The following ABCC4 variants were observed in gnomAD, a reference collection of about 807,000 sequenced individuals.
ABCC4 encodes the protein ATP binding cassette subfamily C member 4 (PEL blood group).
Under a neutral mutation model 168.5 loss-of-function variants are expected in ABCC4, and 102 were observed. The observed-to-expected ratio is 0.61, with a 90% CI of 0.52 to 0.71. The LOEUF (loss-of-function observed/expected upper bound fraction) is 0.71, where lower values mean the gene tolerates loss of function less well. Ranked by LOEUF, ABCC4 falls within the 30% of genes least tolerant of loss-of-function variation. The pLI, the probability that ABCC4 is intolerant of heterozygous loss-of-function variation, is 0.00. For synonymous variants in ABCC4, 617 were observed against 590.7 expected, an observed-to-expected ratio of 1.04 and a Z score of -0.65; for missense variants, 1,402 against 1,605.8, an observed-to-expected ratio of 0.87 and a Z score of 2.17.
chr13:95,225,706 A>G (rs759974443), intron 4 of ABCC4, among the ~76,000 whole-genome samples: 14 of 152,220 alleles, frequency 9.2e-5, no homozygotes, highest in East Asian at 3.9e-4. Flanking sequence ...AATACCATTT[A>G]TAACAGCACA....
chr13:95,127,710 C>A (rs901805082), intron 19 of ABCC4, among the ~76,000 whole-genome samples: 1 of 152,018 alleles, frequency 6.6e-6, no homozygotes, highest in Non-Finnish European at 1.5e-5. Context: ...TGATCTCATG[C>A]CCTTGTGGTG....
intron 27 of ABCC4, among the ~76,000 whole-genome samples, chr13:95,045,819 C>A (rs535973898): frequency 4.6e-4 from 70 of 152,204 alleles, no homozygotes; most frequent in Non-Finnish European, 7.9e-4. Flanking sequence ...CAATGCCCAA[C>A]AACAAAAAGC....
At chr13:95,041,095 T>C (rs2032336960) in intron 29 of ABCC4, among the ~76,000 whole-genome samples, 1 of 152,214 alleles carries the variant, frequency 6.6e-6, no homozygotes, top group South Asian at 2.1e-4. Context: ...AAGCTGTCTT[T>C]AATGTGGAGA....
intron 9 of ABCC4, among the ~76,000 whole-genome samples, chr13:95,189,156 C>T (rs1447487026): frequency 1.5e-4 from 15 of 98,730 alleles, no homozygotes; most frequent in African/African-American, 3.6e-4. Context: ...TTTTTTGAGA[C>T]GGAGTCTCGT....
intron 16 of ABCC4, 93 bp downstream of exon 16, chr13:95,164,285 A>G: frequency 1.4e-6 from 2 of 1,477,696 alleles, no homozygotes; most frequent in Non-Finnish European, 1.8e-6. Context: ...TTCAATTCAG[A>G]CCCCAAGTGA....
At chr13:95,079,776 A>G (rs1484364580) in intron 21 of ABCC4, among the ~76,000 whole-genome samples, 2 of 152,176 alleles carry the variant, frequency 1.3e-5, no homozygotes, top group Non-Finnish European at 2.9e-5. Context: ...TGGAAGTTGC[A>G]GTGACCCAAG....
chr13:95,200,706 C>T (rs558356188), intron 8 of ABCC4, among the ~76,000 whole-genome samples: 4 of 152,130 alleles, frequency 2.6e-5, no homozygotes, highest in South Asian at 2.1e-4. Flanking sequence ...GGTGACAGAG[C>T]GAGACGCCGT....
intron 20 of ABCC4, among the ~76,000 whole-genome samples, chr13:95,111,383 C>CT (rs1284520543): frequency 1.2e-4 from 19 of 152,192 alleles, no homozygotes; most frequent in African/African-American, 3.9e-4. Context: ...CTTGAGGTAA[C>CT]TTGCAGACTG....
intron 4 of ABCC4, among the ~76,000 whole-genome samples, chr13:95,213,813 A>G (rs7983336): frequency 0.75 from 113,291 of 152,000 alleles, 43,029 homozygotes; most frequent in Non-Finnish European, 0.84. Flanking sequence ...GAATTTAACT[A>G]CCTGCATGAA....
At chr13:95,171,143 C>T (rs199671947) in intron 13 of ABCC4, among the ~76,000 whole-genome samples, 9 of 132,518 alleles carry the variant, frequency 6.8e-5, no homozygotes, top group Non-Finnish European at 1.2e-4. Context: ...ATACTAGATA[C>T]GAAAACAAAT....
At chr13:95,266,226 C>T (rs1430211239) in intron 1 of ABCC4, 2 of 152,338 alleles carry the variant, frequency 1.3e-5, no homozygotes, top group African/African-American at 4.8e-5. Flanking sequence ...GTCCTAAATC[C>T]AATGGCAAGT....
At chr13:95,060,765 T>C (rs566080187) in intron 26 of ABCC4, among the ~76,000 whole-genome samples, 1 of 152,340 alleles carries the variant, frequency 6.6e-6, no homozygotes, top group African/African-American at 2.4e-5. Flanking sequence ...AATTTACTGC[T>C]TTTGCCATTT....
intron 19 of ABCC4, among the ~76,000 whole-genome samples, chr13:95,137,705 T>C (rs2036185934): frequency 6.6e-6 from 1 of 152,182 alleles, no homozygotes; most frequent in Admixed American, 6.5e-5. Flanking sequence ...TCAGGCCCCA[T>C]CCAGAACACT....
chr13:95,141,314 G>A (rs554908057), intron 19 of ABCC4, among the ~76,000 whole-genome samples: 4 of 152,288 alleles, frequency 2.6e-5, no homozygotes, highest in Admixed American at 6.5e-5. Context: ...TGTTTAGGTC[G>A]ATTTACTTTT....
intron 20 of ABCC4, among the ~76,000 whole-genome samples, chr13:95,104,593 A>T (rs1441095167): frequency 6.6e-6 from 1 of 152,246 alleles, no homozygotes; most frequent in Non-Finnish European, 1.5e-5. Flanking sequence ...TAAAGTGAAG[A>T]TTTCTTTCCC....
At chr13:95,192,655 T>C (rs2038292056) in intron 9 of ABCC4, among the ~76,000 whole-genome samples, 1 of 152,160 alleles carries the variant, frequency 6.6e-6, no homozygotes, top group South Asian at 2.1e-4. Context: ...CGGTGGCTCA[T>C]GCCTGCAATC....
chr13:95,296,492 T>G (rs930292683), intron 1 of ABCC4, among the ~76,000 whole-genome samples: 5 of 152,182 alleles, frequency 3.3e-5, no homozygotes, highest in African/African-American at 7.2e-5. Flanking sequence ...CCAGAGAGTC[T>G]GTCTGGTCAC....
At chr13:95,266,478 C>G (rs990484900) in intron 1 of ABCC4, among the ~76,000 whole-genome samples, 1 of 152,156 alleles carries the variant, frequency 6.6e-6, no homozygotes, top group Non-Finnish European at 1.5e-5. Context: ...TGTCTTAAAC[C>G]ACCAAGTATG....
chr13:95,091,039 G>T (rs2034417426), intron 20 of ABCC4, among the ~76,000 whole-genome samples: 1 of 152,116 alleles, frequency 6.6e-6, no homozygotes, highest in African/African-American at 2.4e-5. Flanking sequence ...GAAACAAGTA[G>T]TAGAAGAAAG....
Sources: gnomAD v4.1 joint callset for allele counts (sites outside exome capture counted in the v4.1 genomes callset) on GRCh38, gnomAD v4.1.1 for gene constraint, MANE v1.5 for transcripts, NCBI Gene and HGNC (gene_info 2026-07-23, HGNC 2026-07-21) for gene names.